Variants in TRMT11 observed in about 807,000 individuals in gnomAD.
TRMT11 encodes the protein tRNA methyltransferase 11.
In TRMT11, 53 loss-of-function variants were observed where a neutral mutation model predicts 62.8. That is an observed-to-expected ratio of 0.84 (90% CI 0.68 to 1.06). TRMT11 has a LOEUF of 1.06. Ranked by LOEUF, TRMT11 falls within the 50% of genes least tolerant of loss-of-function variation. TRMT11 has a pLI of 0.00. For synonymous variants in TRMT11, 188 were observed against 190.3 expected (o/e 0.99, Z 0.10); for missense variants, 556 against 553.4 (o/e 1.00, Z -0.05).
intron 7 of TRMT11, among the ~76,000 whole-genome samples, chr6:126,003,179 A>G (rs752291519): frequency 6.6e-6 from 1 of 152,036 alleles, no homozygotes; most frequent in Admixed American, 6.6e-5. Flanking sequence ...AGCTTATCCA[A>G]CCCGCAGCCC....
chr6:126,269,032 C>A, the TRMT11 span, among the ~76,000 whole-genome samples: 2 of 151,454 alleles, frequency 1.3e-5, no homozygotes, highest in African/African-American at 4.8e-5. Context: ...GAGGCCGAGG[C>A]GGGCGGATCA....
At chr6:126,064,484 T>C in intron 17 of TRMT11, among the ~76,000 whole-genome samples, 1 of 152,110 alleles carries the variant, frequency 6.6e-6, no homozygotes, top group East Asian at 1.9e-4. Context: ...AGGCAGGAGC[T>C]ATTAGATCAC....
At chr6:126,106,680 G>A (rs1014460524) in intron 17 of TRMT11, among the ~76,000 whole-genome samples, 3 of 152,114 alleles carry the variant, frequency 2.0e-5, no homozygotes, top group African/African-American at 7.2e-5. Flanking sequence ...TTACTTCTCT[G>A]TAGAATGGGG....
intron 21 of TRMT11, among the ~76,000 whole-genome samples, chr6:126,121,661 G>A (rs1777650549): frequency 6.6e-6 from 1 of 152,058 alleles, no homozygotes; most frequent in South Asian, 2.1e-4. Context: ...ATAAAATGAT[G>A]TATGAAAGCA....
chr6:126,271,698 T>C, the TRMT11 span, among the ~76,000 whole-genome samples: 1 of 152,152 alleles, frequency 6.6e-6, no homozygotes, highest in Admixed American at 6.5e-5. Context: ...TGACTGACAC[T>C]GTCATGAAGT....
intron 11 of TRMT11, among the ~76,000 whole-genome samples, chr6:126,015,402 A>G (rs1311651490): frequency 2.6e-5 from 4 of 151,294 alleles, no homozygotes; most frequent in Non-Finnish European, 5.9e-5. Flanking sequence ...AATTTTTTGT[A>G]TTTTTTTAGT....
At chr6:126,085,419 A>G (rs1179098921) in intron 17 of TRMT11, among the ~76,000 whole-genome samples, 1 of 152,048 alleles carries the variant, frequency 6.6e-6, no homozygotes, top group Non-Finnish European at 1.5e-5. Flanking sequence ...CCTTTTTCCC[A>G]TTTTCTTTTG....
At chr6:126,025,507 A>G (rs1178949720) in intron 12 of TRMT11, among the ~76,000 whole-genome samples, 1 of 152,236 alleles carries the variant, frequency 6.6e-6, no homozygotes, top group African/African-American at 2.4e-5. Flanking sequence ...AAATTTAACT[A>G]GTGAATTTTT....
rs866347488 is a variant in TRMT11, at chr6:126,108,239, G to A, written c.*1438-4627G>A. 2.0e-5 allele frequency among the ~76,000 whole-genome samples: 3 copies of A among 152,288 alleles called. No homozygotes were observed. The South Asian group carries it at 6.2e-4, about 32-fold the overall frequency. On this transcript the variant is annotated intron_variant and NMD_transcript_variant, in intron 17 of 22. Coordinates refer to the TRMT11 transcript ENST00000648977. Reference sequence around the variant, plus strand: ...AATTAAGTTGCTTATTTATGCTCATGTCTTTTGTTATTTTGAATTTGGGGC... The same window carrying A: ...AATTAAGTTGCTTATTTATGCTCATATCTTTTGTTATTTTGAATTTGGGGC...
chr6:126,163,531 C>T (rs1197195720), intron 21 of TRMT11, among the ~76,000 whole-genome samples: 1 of 152,172 alleles, frequency 6.6e-6, no homozygotes, highest in African/African-American at 2.4e-5. Context: ...TGTTGTGTCT[C>T]TGCCAGGTTT....
At chr6:126,045,326 A>G (rs1255911785) in intron 16 of TRMT11, among the ~76,000 whole-genome samples, 1 of 152,190 alleles carries the variant, frequency 6.6e-6, no homozygotes, top group Non-Finnish European at 1.5e-5. Flanking sequence ...GCAAAATCTC[A>G]GACCCTTCAT....
At chr6:126,112,927 G>A (rs1374417588) in exon 18 of TRMT11, among the ~76,000 whole-genome samples, 1 of 151,808 alleles carries the variant, frequency 6.6e-6, no homozygotes, top group Non-Finnish European at 1.5e-5. Flanking sequence ...TTCTATGTTG[G>A]CTACAGTCAA....
intron 17 of TRMT11, among the ~76,000 whole-genome samples, chr6:126,100,891 T>A (rs1223068447): frequency 6.6e-6 from 1 of 151,770 alleles, no homozygotes; most frequent in Non-Finnish European, 1.5e-5. Flanking sequence ...CCTGTGGGGG[T>A]GATGTGAGAC....
At chr6:126,025,158 A>T (rs1772822269) in intron 12 of TRMT11, among the ~76,000 whole-genome samples, 1 of 152,192 alleles carries the variant, frequency 6.6e-6, no homozygotes, top group African/African-American at 2.4e-5. Context: ...GGAAAAATTT[A>T]AAAATTAAGA....
At chr6:126,106,075 C>T (rs892465203) in intron 17 of TRMT11, among the ~76,000 whole-genome samples, 2 of 152,006 alleles carry the variant, frequency 1.3e-5, no homozygotes, top group Admixed American at 6.6e-5. Context: ...TTGGTGTTTC[C>T]GTTTCCACTC....
At chr6:126,226,740 C>A in the TRMT11 span, among the ~76,000 whole-genome samples, 1 of 152,096 alleles carries the variant, frequency 6.6e-6, no homozygotes, top group Admixed American at 6.5e-5. Context: ...ATTCTGTATT[C>A]CTCATTTTAA....
At chr6:126,251,873 G>A in the TRMT11 span, among the ~76,000 whole-genome samples, 1 of 152,108 alleles carries the variant, frequency 6.6e-6, no homozygotes, top group Non-Finnish European at 1.5e-5. Context: ...ATCTTGCCCA[G>A]TGCCTCTGCA....
chr6:126,168,115 G>A (rs1322513218), intron 21 of TRMT11, among the ~76,000 whole-genome samples: 2 of 152,160 alleles, frequency 1.3e-5, no homozygotes, highest in Non-Finnish European at 2.9e-5. Context: ...CTAGGAGCTG[G>A]TTATCATATT....
chr6:126,165,109 T>G (rs1328349491), intron 21 of TRMT11, among the ~76,000 whole-genome samples: 1 of 152,070 alleles, frequency 6.6e-6, no homozygotes. Context: ...AAACCCCGTC[T>G]CTACTAAAAA....
Sources: allele counts gnomAD v4.1 joint callset (sites outside exome capture counted in the v4.1 genomes callset), GRCh38; gene constraint gnomAD v4.1.1; transcripts MANE v1.5; gene names NCBI Gene and HGNC (gene_info 2026-07-23, HGNC 2026-07-21).